WDFY3: variants seen among roughly 807,000 people sequenced by gnomAD.
The protein encoded by WDFY3 is WD repeat and FYVE domain-containing protein 3.
WDFY3 carries 66 observed loss-of-function variants against 409.6 expected under a neutral mutation model. The observed-to-expected ratio is 0.16, with a 90% confidence interval of 0.13 to 0.20. The LOEUF (loss-of-function observed/expected upper bound fraction) is 0.20, where lower values mean the gene tolerates loss of function less well. WDFY3 is among the 10% of genes least tolerant of loss of function. WDFY3 has a pLI of 1.00. For missense variants in WDFY3, 3,031 were observed against 4,298.1 expected, an observed-to-expected ratio of 0.71 and a Z score of 8.24; for synonymous variants, 1,521 against 1,537.1, an observed-to-expected ratio of 0.99 and a Z score of 0.25.
chr4:84,788,512 T>C (rs1171833227), intron 22 of WDFY3, among the ~76,000 whole-genome samples: 1 of 152,222 alleles, frequency 6.6e-6, no homozygotes, highest in Non-Finnish European at 1.5e-5. Flanking sequence ...AGCAACGTAC[T>C]AGAGAATCTA....
intron 50 of WDFY3, among the ~76,000 whole-genome samples, chr4:84,714,962 A>AG (rs1560583167): frequency 6.6e-6 from 1 of 151,780 alleles, no homozygotes; most frequent in African/African-American, 2.4e-5. Flanking sequence ...AAAAAAAAAA[A>AG]AAGAAGAAGA....
Position 84,836,913 on chromosome 4 carries a change from A to G in WDFY3, c.576+16T>C. On this transcript the variant is annotated intron_variant, in intron 7 of 67. Coordinates refer to ENST00000295888, the MANE Select transcript of WDFY3 (RefSeq NM_014991.6). ...CTTTAAATAGGGTGGAGGTAGGCAA[A>G]TAGCACCTTTCATACCTGTACAAAA... 1 of 1,493,348 alleles carries G rather than the reference A, an allele frequency of 6.7e-7. No homozygotes were observed. Among genetic ancestry groups the G allele is most frequent in the South Asian group, 1.4e-5 (1 of 69,136 alleles). 92.5% of individuals were successfully genotyped at this position (1,493,348 alleles called of 1,614,324 possible). A position where few individuals can be genotyped will look rare whatever the true frequency, so the allele number is the denominator to read the frequency against.
chr4:84,943,993 G>A (rs1772479951), intron 1 of WDFY3, among the ~76,000 whole-genome samples: 1 of 152,046 alleles, frequency 6.6e-6, no homozygotes, highest in African/African-American at 2.4e-5. Context: ...GTTAATTATA[G>A]AGCAAATTTT....
chr4:84,750,163 AT>A (rs1468364550), intron 36 of WDFY3, among the ~76,000 whole-genome samples: 1 of 152,108 alleles, frequency 6.6e-6, no homozygotes, highest in Non-Finnish European at 1.5e-5. Context: ...AATGCTTCAA[AT>A]TTTTACCCTA....
intron 41 of WDFY3, 134 bp from the exon 42 acceptor site, chr4:84,736,461 C>T: frequency 2.6e-6 from 2 of 779,486 alleles, no homozygotes; most frequent in Non-Finnish European, 3.6e-6. Flanking sequence ...GCAGATATTA[C>T]ATTCAGATAT....
intron 3 of WDFY3, among the ~76,000 whole-genome samples, chr4:84,861,169 C>T (rs1056414473): frequency 1.3e-5 from 2 of 151,998 alleles, no homozygotes; most frequent in Non-Finnish European, 2.9e-5. Flanking sequence ...CAAGATCACG[C>T]CACTGCATTT....
chr4:84,766,299 C>T lies in WDFY3; in HGVS notation c.4923G>A (p.Leu1641=), dbSNP rs201565613. 1.8e-4 allele frequency: 296 copies of T among 1,600,736 alleles called. 6 individuals are homozygous for T. The highest frequency in any genetic ancestry group is 5.3e-5 in the Admixed American group (3 of 56,896). Residue 1641 remains leucine (L), a synonymous_variant, in exon 31 of 68, where the codon TTG becomes TTA. Transcript: ENST00000295888. The part of the protein sequence containing the change: ...ILLRNRLLDI[L]LKLIYTSKEK... ...CTTTAGATGTATAAATTAGTTTTAGCAAGATATCCAGAAGTCTGTTCCTCA... is the reference window on the plus strand; with the variant it reads ...CTTTAGATGTATAAATTAGTTTTAGTAAGATATCCAGAAGTCTGTTCCTCA...
rs201663734 is a variant in WDFY3 at position 84,803,430 on chromosome 4, G to C, written c.2467C>G (p.Pro823Ala). 1 of 1,613,294 alleles carries C rather than the reference G, an allele frequency of 6.2e-7. No individual in the cohort carries two copies. Among genetic ancestry groups the C allele is most frequent in the East Asian group, 2.2e-5 (1 of 44,830 alleles). ...YHSVSTPPVYPPKNVADLKLH... is the reference protein window; with the variant it reads ...YHSVSTPPVYAPKNVADLKLH... ...TTCAGGTCGGCAACATTTTTAGGAGGGTAAACAGGGGGAGTTGAAACAGAA... is the reference window on the plus strand; with the variant it reads ...TTCAGGTCGGCAACATTTTTAGGAGCGTAAACAGGGGGAGTTGAAACAGAA... The change falls in exon 16 of 68, where the codon CCT (proline) becomes GCT (alanine). Residue 823 changes from proline (P) to alanine (A), a missense_variant. Pro to Ala is a conservative substitution (Grantham distance 27). This residue lies in a region of WDFY3 where 1,322 missense variants were observed against 1,697.9 expected (regional missense o/e 0.78). Coordinates refer to ENST00000295888, the MANE Select transcript of WDFY3 (RefSeq NM_014991.6).
At chr4:84,783,112 G>T (rs368978350) in intron 24 of WDFY3, 38 bp from the exon 25 acceptor site, 3 of 1,559,516 alleles carry the variant, frequency 1.9e-6, no homozygotes, top group Non-Finnish European at 2.6e-6. Context: ...AATTATATAA[G>T]AACAGTTTCA....
chr4:84,874,502 A>G (rs1024382635), intron 3 of WDFY3, among the ~76,000 whole-genome samples: 2 of 152,158 alleles, frequency 1.3e-5, no homozygotes, highest in Non-Finnish European at 2.9e-5. Context: ...AATAAATTAA[A>G]ATACAATTTT....
intron 15 of WDFY3, among the ~76,000 whole-genome samples, chr4:84,806,907 G>A (rs905922761): frequency 5.3e-5 from 8 of 152,038 alleles, no homozygotes; most frequent in Non-Finnish European, 8.8e-5. Flanking sequence ...ACCGCACCTG[G>A]CCCTGATGTA....
chr4:84,760,042 T>C (rs1052999141), intron 32 of WDFY3, among the ~76,000 whole-genome samples: 4 of 152,034 alleles, frequency 2.6e-5, no homozygotes, highest in South Asian at 2.1e-4. Context: ...AAAGGCTTTT[T>C]CTGCATCTAT....
chr4:84,907,915 T>G (rs1767257683), intron 2 of WDFY3, among the ~76,000 whole-genome samples: 1 of 151,864 alleles, frequency 6.6e-6, no homozygotes, highest in South Asian at 2.1e-4. Flanking sequence ...ATATCAAGTT[T>G]CAAAAGAAGG....
rs771609798 is a variant in WDFY3, at chr4:84,829,041, A to G, written c.919T>C (p.Trp307Arg). The part of the protein sequence containing the change: ...SQTLLDDFRI[W>R]QGYNFLCDLL... ...TCACAAAGAAAATTATATCCTTGCC[A>G]TATCCGAAAATCATCCAGAAGTGTT... is the stretch of plus-strand genomic sequence containing the variant. The change falls in exon 9 of 68, where the codon TGG becomes CGG. Residue 307 changes from tryptophan (W) to arginine (R), a missense_variant. Physicochemically the swap from Trp to Arg is moderately radical, Grantham distance 101. Around this residue, in one of 16 missense-constraint regions of WDFY3, gnomAD observed 1,322 missense variants for 1,697.9 expected, o/e 0.78. Transcript: ENST00000295888. 9.3e-6 allele frequency: 15 copies of G among 1,613,304 alleles called. No homozygotes were observed. The South Asian group carries it at 1.6e-4, about 18-fold the overall frequency.
At chr4:84,731,100 G>C (rs1447558096) in intron 44 of WDFY3, among the ~76,000 whole-genome samples, 1 of 152,052 alleles carries the variant, frequency 6.6e-6, no homozygotes, top group African/African-American at 2.4e-5. Flanking sequence ...CCTGGCAAAA[G>C]TCTCATTATG....
intron 62 of WDFY3, chr4:84,687,810 A>C: frequency 3.5e-6 from 1 of 284,996 alleles, no homozygotes; most frequent in South Asian, 6.7e-5. Context: ...GGGAATTTTG[A>C]TCTGCTCCAT....
chr4:84,833,587 G>A (rs1578733233), intron 7 of WDFY3, among the ~76,000 whole-genome samples: 1 of 152,006 alleles, frequency 6.6e-6, no homozygotes, highest in Non-Finnish European at 1.5e-5. Context: ...CCGGGAGGTC[G>A]AGGCTGCAGT....
chr4:84,772,423 T>A (rs1003973645), intron 30 of WDFY3, among the ~76,000 whole-genome samples: 1 of 151,982 alleles, frequency 6.6e-6, no homozygotes, highest in African/African-American at 2.4e-5. Context: ...CAGTGACTAC[T>A]AAATATTTAA....
chr4:84,750,469 C>T (rs1207194934), intron 36 of WDFY3, among the ~76,000 whole-genome samples: 1 of 139,550 alleles, frequency 7.2e-6, no homozygotes, highest in Non-Finnish European at 1.6e-5. Context: ...AGAGGGAGCA[C>T]AAAAAAAAAA....
Sources: allele counts gnomAD v4.1 joint callset (sites outside exome capture counted in the v4.1 genomes callset), GRCh38; gene constraint gnomAD v4.1.1; regional missense constraint gnomAD v4.1.1; transcripts MANE v1.5; gene names NCBI Gene and HGNC (gene_info 2026-07-23, HGNC 2026-07-21).